The following MGMT variants were observed in gnomAD, a reference collection of about 807,000 sequenced individuals.
MGMT encodes the protein O-6-methylguanine-DNA methyltransferase.
In MGMT, 14 loss-of-function variants were observed where a neutral mutation model predicts 15.9. That is an observed-to-expected ratio of 0.88 (90% CI 0.58 to 1.37). The LOEUF (loss-of-function observed/expected upper bound fraction) is 1.37. Among genes scored for constraint, MGMT ranks in the 40% most tolerant of loss-of-function variants. The pLI is 0.00. For missense variants in MGMT, 282 were observed against 268.1 expected (o/e 1.05, Z -0.36); for synonymous variants, 130 against 118.2 (o/e 1.10, Z -0.65).
intron 2 of MGMT, among the ~76,000 whole-genome samples, chr10:129,590,111 C>T (rs1329311124): frequency 1.3e-5 from 2 of 152,206 alleles, no homozygotes; most frequent in African/African-American, 2.4e-5. Context: ...CCTCGAGGAC[C>T]GGAGCTTCTG....
intron 2 of MGMT, among the ~76,000 whole-genome samples, chr10:129,680,666 C>T (rs531947027): frequency 1.1e-4 from 16 of 152,320 alleles, no homozygotes; most frequent in South Asian, 6.2e-4. Context: ...CACTGGCCCC[C>T]GCCTTCTCCG....
intron 1 of MGMT, among the ~76,000 whole-genome samples, chr10:129,484,854 T>G (rs1255446148): frequency 2.0e-5 from 3 of 152,102 alleles, no homozygotes; most frequent in Admixed American, 2.0e-4. Flanking sequence ...CCAGGGATAG[T>G]TTAGTCCTAC....
intron 4 of MGMT, among the ~76,000 whole-genome samples, chr10:129,766,167 G>T (rs2133190592): frequency 6.6e-6 from 1 of 152,332 alleles, no homozygotes; most frequent in South Asian, 2.1e-4. Context: ...TGAGGCAGGG[G>T]TTGGCCAAGT....
chr10:129,593,650 A>G (rs943670056), intron 2 of MGMT, among the ~76,000 whole-genome samples: 2 of 152,204 alleles, frequency 1.3e-5, no homozygotes, highest in African/African-American at 4.8e-5. Context: ...GACAACAACA[A>G]TGGGTGGCTG....
intron 2 of MGMT, among the ~76,000 whole-genome samples, chr10:129,549,094 C>T (rs142889236): frequency 7.9e-4 from 120 of 152,314 alleles, no homozygotes; most frequent in African/African-American, 2.8e-3. Context: ...GATTTCAGCA[C>T]GTTGACATCA....
chr10:129,646,754 A>ATATATATATATATATATATATATTTTTT, intron 2 of MGMT, among the ~76,000 whole-genome samples: 2 of 86,676 alleles, frequency 2.3e-5, no homozygotes, highest in South Asian at 3.4e-4. Context: ...ATATATATAT[A>ATATATATATATATATATATATATTTTTT]TTTTCAGGGA....
chr10:129,502,950 G>A (rs1226481889), intron 1 of MGMT, among the ~76,000 whole-genome samples: 3 of 151,958 alleles, frequency 2.0e-5, no homozygotes, highest in Admixed American at 6.5e-5. Context: ...GCTCTACCCC[G>A]TATTTCATTT....
intron 2 of MGMT, among the ~76,000 whole-genome samples, chr10:129,575,847 G>C (rs1442133683): frequency 1.3e-5 from 2 of 151,804 alleles, no homozygotes; most frequent in Admixed American, 6.6e-5. Flanking sequence ...AAATGACAAA[G>C]GGGATATCAC....
chr10:129,679,476 G>C (rs954401585), intron 2 of MGMT, among the ~76,000 whole-genome samples: 1 of 152,154 alleles, frequency 6.6e-6, no homozygotes, highest in Non-Finnish European at 1.5e-5. Flanking sequence ...CCAGGGACCC[G>C]CAAAGCACAG....
At chr10:129,606,776 G>A (rs1004897134) in intron 2 of MGMT, among the ~76,000 whole-genome samples, 1 of 152,162 alleles carries the variant, frequency 6.6e-6, no homozygotes, top group Non-Finnish European at 1.5e-5. Flanking sequence ...GCAATTTAAA[G>A]TGATATTAAA....
chr10:129,636,952 C>G (rs914192959), intron 2 of MGMT, among the ~76,000 whole-genome samples: 1 of 152,210 alleles, frequency 6.6e-6, no homozygotes, highest in African/African-American at 2.4e-5. Context: ...CAGCCACACT[C>G]GAGTTGTCTA....
At chr10:129,567,041 G>A (rs960581599) in intron 2 of MGMT, among the ~76,000 whole-genome samples, 14 of 152,166 alleles carry the variant, frequency 9.2e-5, no homozygotes, top group African/African-American at 3.1e-4. Context: ...GGCTCCCTGA[G>A]GCAGCTCGTG....
chr10:129,746,653 C>G (rs2133176408), intron 3 of MGMT, among the ~76,000 whole-genome samples: 1 of 152,244 alleles, frequency 6.6e-6, no homozygotes, highest in East Asian at 1.9e-4. Context: ...GGAAATCTCT[C>G]TTCTATTCTG....
chr10:129,481,220 G>A lies in MGMT; in HGVS notation c.-13+13924G>A, dbSNP rs773418946. The stretch of plus-strand genomic sequence containing the variant: ...TTGTGCAGGTGCCCTTTAGCAGATG[G>A]GGGATGTTTTACTCTTTTCTGCAGT... On this transcript the variant is annotated intron_variant, in intron 1 of 4. Coordinates refer to ENST00000651593, the MANE Select transcript of MGMT (RefSeq NM_002412.5). Among the ~76,000 whole-genome samples, 64 of 152,164 alleles carry A rather than the reference G, an allele frequency of 4.2e-4. 1 individual carries two copies. Among genetic ancestry groups the A allele is most frequent in the Non-Finnish European group, 8.8e-5 (6 of 68,016 alleles).
chr10:129,709,719 G>A (rs78390426), intron 3 of MGMT, among the ~76,000 whole-genome samples: 4,458 of 152,154 alleles, frequency 0.029, 203 homozygotes, highest in African/African-American at 0.1. Flanking sequence ...AAAAACATAG[G>A]GGCAAAAGTT....
intron 3 of MGMT, among the ~76,000 whole-genome samples, chr10:129,715,067 G>C (rs1029544358): frequency 6.6e-6 from 1 of 152,208 alleles, no homozygotes; most frequent in South Asian, 2.1e-4. Flanking sequence ...AAGCCTGAGA[G>C]GGAACCAAGA....
chr10:129,513,234 G>C (rs1381547347), intron 1 of MGMT, among the ~76,000 whole-genome samples: 1 of 151,520 alleles, frequency 6.6e-6, no homozygotes, highest in Non-Finnish European at 1.5e-5. Flanking sequence ...GTGGGTGCTG[G>C]GGGGTGGGGA....
chr10:129,555,543 C>CA (rs1352817105), intron 2 of MGMT, among the ~76,000 whole-genome samples: 1 of 150,438 alleles, frequency 6.6e-6, no homozygotes, highest in Non-Finnish European at 1.5e-5. Context: ...TCTGTCTCTA[C>CA]AAAAAAACTT....
chr10:129,504,715 C>A (rs1466076511), intron 1 of MGMT, among the ~76,000 whole-genome samples: 1 of 152,188 alleles, frequency 6.6e-6, no homozygotes, highest in Non-Finnish European at 1.5e-5. Context: ...AGCTTCCCAG[C>A]ACCCTCCTGC....
Sources: gnomAD v4.1 joint callset for allele counts (sites outside exome capture counted in the v4.1 genomes callset) on GRCh38, gnomAD v4.1.1 for gene constraint, MANE v1.5 for transcripts, NCBI Gene and HGNC (gene_info 2026-07-23, HGNC 2026-07-21) for gene names.